PARD3: variants seen among roughly 807,000 people sequenced by gnomAD.
The protein encoded by PARD3 is par-3 family cell polarity regulator, also known as partitioning defective 3 homolog.
In PARD3, 75 loss-of-function variants were observed where a neutral mutation model predicts 155.4. The observed-to-expected ratio is 0.48, with a 90% confidence interval of 0.40 to 0.58. The LOEUF is 0.58. Among genes scored for constraint, PARD3 ranks in the 20% least tolerant of loss-of-function variants. The pLI, the probability that PARD3 is intolerant of heterozygous loss-of-function variation, is 0.00. For synonymous variants in PARD3, 576 were observed against 610.5 expected, an observed-to-expected ratio of 0.94 and a Z score of 0.83; for missense variants, 1,642 against 1,721.7, an observed-to-expected ratio of 0.95 and a Z score of 0.82.
intron 5 of PARD3, among the ~76,000 whole-genome samples, chr10:34,402,594 CA>C (rs1844011135): frequency 6.6e-6 from 1 of 152,128 alleles, no homozygotes. Context: ...CATGAAGGAC[CA>C]AACAAAAGGA....
At chr10:34,625,406 G>A (rs552056999) in intron 2 of PARD3, among the ~76,000 whole-genome samples, 25 of 152,308 alleles carry the variant, frequency 1.6e-4, no homozygotes, top group African/African-American at 6.0e-4. Flanking sequence ...CCCAACTCAG[G>A]GAAAGCCCAT....
intron 1 of PARD3, among the ~76,000 whole-genome samples, chr10:34,741,140 T>C (rs932342661): frequency 6.6e-6 from 1 of 150,752 alleles, no homozygotes; most frequent in Non-Finnish European, 1.5e-5. Context: ...AAATTGCCTA[T>C]GGAAAAGTCA....
intron 1 of PARD3, among the ~76,000 whole-genome samples, chr10:34,788,468 G>A (rs1373496807): frequency 8.4e-6 from 1 of 118,802 alleles, no homozygotes; most frequent in Non-Finnish European, 1.7e-5. Context: ...TTTTTTTCCT[G>A]AGACACAGTC....
In PARD3 at chr10:34,278,507, G is replaced by A. The variant is rs376979434; in HGVS notation, c.3176+5628C>T. Reference sequence around the variant, plus strand: ...CCCATAATCCCCACGTGTCATGGGAGGAACCAGGTGGAGATAATTGAATCA... The same window carrying A: ...CCCATAATCCCCACGTGTCATGGGAAGAACCAGGTGGAGATAATTGAATCA... On this transcript the variant is annotated intron_variant, in intron 21 of 24. Coordinates refer to ENST00000374788, the MANE Select transcript of PARD3 (RefSeq NM_001184785.2). 1.3e-4 allele frequency among the ~76,000 whole-genome samples: 20 copies of A among 152,250 alleles called. No homozygotes were observed. In the East Asian group the frequency reaches 1.5e-3, roughly 12 times the overall value.
chr10:34,531,901 C>T (rs2082884667), intron 2 of PARD3, among the ~76,000 whole-genome samples: 2 of 152,116 alleles, frequency 1.3e-5, no homozygotes, highest in Non-Finnish European at 2.9e-5. Context: ...TATGCAATTT[C>T]CTGGGAAGAC....
At chr10:34,707,745 G>C (rs1211209806) in intron 1 of PARD3, among the ~76,000 whole-genome samples, 3 of 152,158 alleles carry the variant, frequency 2.0e-5, no homozygotes, top group African/African-American at 7.2e-5. Flanking sequence ...GATAATCTCA[G>C]TGTTCACTGT....
intron 1 of PARD3, among the ~76,000 whole-genome samples, chr10:34,782,086 A>C (rs1246301027): frequency 4.0e-5 from 6 of 151,872 alleles, no homozygotes; most frequent in Non-Finnish European, 8.8e-5. Context: ...GTGCACTTTG[A>C]CCCAATTTTA....
At chr10:34,672,789 A>T (rs2093632492) in intron 2 of PARD3, among the ~76,000 whole-genome samples, 1 of 152,230 alleles carries the variant, frequency 6.6e-6, no homozygotes, top group South Asian at 2.1e-4. Context: ...CAAAATAAGC[A>T]ATGGTTCCAT....
chr10:34,741,431 T>C (rs893055751), intron 1 of PARD3, among the ~76,000 whole-genome samples: 4 of 152,070 alleles, frequency 2.6e-5, no homozygotes, highest in African/African-American at 9.7e-5. Context: ...GCGATCCTCC[T>C]GCCTCAGCCT....
At chr10:34,640,529 G>A (rs1485037471) in intron 2 of PARD3, among the ~76,000 whole-genome samples, 1 of 150,812 alleles carries the variant, frequency 6.6e-6, no homozygotes, top group African/African-American at 2.4e-5. Context: ...GTCTAACATG[G>A]TGAAACCCTC....
chr10:34,202,244 T>A (rs2133345464), intron 22 of PARD3, among the ~76,000 whole-genome samples: 1 of 152,290 alleles, frequency 6.6e-6, no homozygotes, highest in East Asian at 1.9e-4. Flanking sequence ...GGCTAATTTT[T>A]AAATCTTTTA....
chr10:34,368,591 G>A (rs1280526950), intron 12 of PARD3, among the ~76,000 whole-genome samples: 2 of 152,054 alleles, frequency 1.3e-5, no homozygotes, highest in African/African-American at 4.8e-5. Flanking sequence ...AGAATAGTGT[G>A]AACCCGGGGG....
At chr10:34,346,322 A>AT (rs1837420364) in intron 15 of PARD3, 5 of 1,266,092 alleles carry the variant, frequency 3.9e-6, no homozygotes, top group South Asian at 1.4e-5. Context: ...GAATTTAGGG[A>AT]TTTTTTTGGT....
At chr10:34,414,652 TA>T (rs902568148) in intron 5 of PARD3, among the ~76,000 whole-genome samples, 44 of 141,098 alleles carry the variant, frequency 3.1e-4, no homozygotes, top group African/African-American at 6.5e-4. Flanking sequence ...CCAGTCTCTA[TA>T]AAAAAAAAAA....
intron 2 of PARD3, among the ~76,000 whole-genome samples, chr10:34,522,037 CA>C (rs1271452001): frequency 2.6e-5 from 4 of 152,128 alleles, no homozygotes; most frequent in Non-Finnish European, 5.9e-5. Context: ...TATCCATGTC[CA>C]AACTCCTGGA....
intron 1 of PARD3, among the ~76,000 whole-genome samples, chr10:34,760,315 C>T (rs190617034): frequency 6.6e-6 from 1 of 152,178 alleles, no homozygotes; most frequent in Admixed American, 6.5e-5. Flanking sequence ...AGCCATTATG[C>T]CTGGTCCCAA....
chr10:34,377,500 GAATCAC>G (rs1841369921), intron 10 of PARD3, among the ~76,000 whole-genome samples: 1 of 152,152 alleles, frequency 6.6e-6, no homozygotes, highest in African/African-American at 2.4e-5. Context: ...TGAGGCAGGA[GAATCAC>G]TTGAACCCAG....
chr10:34,366,829 A>AT (rs1840012116), intron 12 of PARD3, among the ~76,000 whole-genome samples: 1 of 152,076 alleles, frequency 6.6e-6, no homozygotes, highest in African/African-American at 2.4e-5. Context: ...AGACTCCAAA[A>AT]TTTCCTTAAG....
At chr10:34,590,706 A>G (rs1413005411) in intron 2 of PARD3, among the ~76,000 whole-genome samples, 4 of 152,202 alleles carry the variant, frequency 2.6e-5, no homozygotes. Flanking sequence ...TTCCTGGTGT[A>G]TAAAGAATCC....
Sources: allele counts gnomAD v4.1 joint callset (sites outside exome capture counted in the v4.1 genomes callset), GRCh38; gene constraint gnomAD v4.1.1; transcripts MANE v1.5; gene names NCBI Gene and HGNC (gene_info 2026-07-23, HGNC 2026-07-21).